Variants in TENM2 observed in about 807,000 individuals in gnomAD.
The protein encoded by TENM2 is teneurin-2.
TENM2 carries 52 observed loss-of-function variants against 245.2 expected under a neutral mutation model. That is an observed-to-expected ratio of 0.21 (90% CI 0.17 to 0.27). The LOEUF is 0.27. Ranked by LOEUF, TENM2 falls within the 10% of genes least tolerant of loss-of-function variation. The pLI is 1.00. For missense variants in TENM2, 3,046 were observed against 3,666.8 expected (o/e 0.83, Z 4.37); for synonymous variants, 1,363 against 1,438.9 (o/e 0.95, Z 1.19).
In TENM2 at chr5:167,378,369, TTTC is replaced by T. The variant is rs201092643; in HGVS notation, c.502+2905_502+2907del. Among the ~76,000 whole-genome samples the T allele has an allele frequency of 6.9e-5, 9 of 131,364 alleles. No individual in the cohort carries two copies. The East Asian group carries it at 1.1e-3, about 15-fold the overall frequency. 86.2% of individuals were successfully genotyped at this position (131,364 alleles called of 152,430 possible). On this transcript the variant is annotated intron_variant, in intron 2 of 28. Coordinates refer to ENST00000518659, the Ensembl canonical transcript of TENM2. The stretch of plus-strand genomic sequence containing the variant: ...AACAGATGAACCTGTCTTTCTTTTC[TTTC>T]TTCTTCTTTTTTTTTTTTTTTTGGT...
intron 4 of TENM2, among the ~76,000 whole-genome samples, chr5:167,982,589 G>A (rs1035595259): frequency 6.6e-6 from 1 of 152,058 alleles, no homozygotes; most frequent in Non-Finnish European, 1.5e-5. Context: ...TTTTTTTAGA[G>A]GAGGCATCTG....
intron 3 of TENM2, among the ~76,000 whole-genome samples, chr5:167,894,130 GT>G (rs1774984429): frequency 6.6e-6 from 1 of 152,078 alleles, no homozygotes; most frequent in African/African-American, 2.4e-5. Context: ...ATTTATCTTT[GT>G]ATCTTTGTTA....
At chr5:167,047,217 C>G in the TENM2 span, among the ~76,000 whole-genome samples, 1 of 152,178 alleles carries the variant, frequency 6.6e-6, no homozygotes, top group Non-Finnish European at 1.5e-5. Context: ...ACTGAAAAAT[C>G]ACAGATGAAG....
At chr5:167,090,118 A>C in the TENM2 span, among the ~76,000 whole-genome samples, 33 of 152,068 alleles carry the variant, frequency 2.2e-4, no homozygotes, top group Non-Finnish European at 4.1e-4. Flanking sequence ...TCTTTTTTTA[A>C]AATAATTTAT....
At chr5:167,087,590 C>A in the TENM2 span, among the ~76,000 whole-genome samples, 2 of 152,272 alleles carry the variant, frequency 1.3e-5, no homozygotes, top group South Asian at 4.1e-4. Context: ...TAGTACCTTG[C>A]ATACAATAGG....
chr5:167,664,650 T>A (rs1035300100), intron 2 of TENM2, among the ~76,000 whole-genome samples: 2 of 152,228 alleles, frequency 1.3e-5, no homozygotes, highest in African/African-American at 4.8e-5. Flanking sequence ...TGGTTAAGTT[T>A]GATGAATTAT....
intron 6 of TENM2, among the ~76,000 whole-genome samples, chr5:168,060,852 C>T (rs888819322): frequency 2.6e-5 from 4 of 152,158 alleles, no homozygotes; most frequent in African/African-American, 9.7e-5. Context: ...CAGACAGGCT[C>T]GCTCACCGTT....
intron 2 of TENM2, among the ~76,000 whole-genome samples, chr5:167,597,884 TG>T (rs1776333137): frequency 6.6e-6 from 1 of 152,214 alleles, no homozygotes; most frequent in South Asian, 2.1e-4. Context: ...CTGCTTCCAC[TG>T]GGCTGTGTTA....
intron 2 of TENM2, among the ~76,000 whole-genome samples, chr5:167,830,633 C>T (rs962233696): frequency 7.2e-5 from 11 of 152,082 alleles, no homozygotes; most frequent in Non-Finnish European, 1.0e-4. Flanking sequence ...AGGAGGCAAA[C>T]GAAAGAGAGA....
At chr5:167,060,881 A>C in the TENM2 span, among the ~76,000 whole-genome samples, 1 of 152,020 alleles carries the variant, frequency 6.6e-6, no homozygotes, top group African/African-American at 2.4e-5. Flanking sequence ...GGCATATTGG[A>C]CATCACAGGT....
chr5:168,103,715 TGTGA>T (rs1176287944), intron 9 of TENM2, among the ~76,000 whole-genome samples: 17 of 152,356 alleles, frequency 1.1e-4, no homozygotes, highest in African/African-American at 3.8e-4. Flanking sequence ...TATGTGTGTG[TGTGA>T]GTGTGTGTGC....
At chr5:167,568,838 A>G (rs376260657) in intron 2 of TENM2, among the ~76,000 whole-genome samples, 1 of 152,122 alleles carries the variant, frequency 6.6e-6, no homozygotes, top group African/African-American at 2.4e-5. Context: ...TTAGCCAGAG[A>G]GAAAATAAAA....
chr5:167,922,730 C>A (rs941582655), intron 3 of TENM2, among the ~76,000 whole-genome samples: 1 of 152,166 alleles, frequency 6.6e-6, no homozygotes, highest in Non-Finnish European at 1.5e-5. Flanking sequence ...CTGTGAACAC[C>A]AACCCATCCT....
the TENM2 span, among the ~76,000 whole-genome samples, chr5:167,159,786 C>G: frequency 6.6e-6 from 1 of 152,130 alleles, no homozygotes; most frequent in African/African-American, 2.4e-5. Flanking sequence ...CACTTGAATC[C>G]AAGCATTGCC....
chr5:167,555,546 T>G (rs1773214029), intron 2 of TENM2, among the ~76,000 whole-genome samples: 1 of 152,180 alleles, frequency 6.6e-6, no homozygotes, highest in Non-Finnish European at 1.5e-5. Context: ...CCACCTCATA[T>G]TTGGAGATTT....
chr5:167,929,037 G>T (rs546124250), intron 3 of TENM2, among the ~76,000 whole-genome samples: 317 of 123,342 alleles, frequency 2.6e-3, no homozygotes, highest in Non-Finnish European at 4.5e-3. Context: ...AAGAAAGAAA[G>T]AAAAGAAAAA....
chr5:167,271,872 C>G, the TENM2 span, among the ~76,000 whole-genome samples: 1 of 152,140 alleles, frequency 6.6e-6, no homozygotes, highest in South Asian at 2.1e-4. Context: ...CACAAGGGAA[C>G]AGGAAGCGAA....
At chr5:167,200,720 G>A in the TENM2 span, among the ~76,000 whole-genome samples, 2 of 152,090 alleles carry the variant, frequency 1.3e-5, no homozygotes. Context: ...TCCAAGTGTG[G>A]CAGCGGCTAC....
At chr5:168,086,599 G>A (rs1027708239) in intron 7 of TENM2, among the ~76,000 whole-genome samples, 1 of 152,142 alleles carries the variant, frequency 6.6e-6, no homozygotes, top group African/African-American at 2.4e-5. Context: ...CAGCCAGCCG[G>A]TGCACAGACA....
Sources: allele counts gnomAD v4.1 joint callset (sites outside exome capture counted in the v4.1 genomes callset), GRCh38; gene constraint gnomAD v4.1.1; transcripts MANE v1.5; gene names NCBI Gene and HGNC (gene_info 2026-07-23, HGNC 2026-07-21).